Variants in SEPTIN11 observed in about 807,000 individuals in gnomAD.
SEPTIN11 encodes the protein septin-11.
A neutral mutation model predicts 51.4 loss-of-function variants in SEPTIN11; 25 were observed. That is an observed-to-expected ratio of 0.49 (90% CI 0.35 to 0.68). SEPTIN11 has a LOEUF of 0.68. Ranked by LOEUF, SEPTIN11 falls within the 30% of genes least tolerant of loss-of-function variation. The pLI, the probability that SEPTIN11 is intolerant of heterozygous loss-of-function variation, is 0.00. For missense variants in SEPTIN11, 381 were observed against 520.8 expected, an observed-to-expected ratio of 0.73 and a Z score of 2.61; for synonymous variants, 174 against 184.1, an observed-to-expected ratio of 0.95 and a Z score of 0.44.
At chr4:76,959,217 G>T (rs1721706285) in intron 1 of SEPTIN11, 1 of 301,602 alleles carries the variant, frequency 3.3e-6, no homozygotes, top group Non-Finnish European at 6.6e-6. Flanking sequence ...GATGGAAACG[G>T]ATCCAAAGCA....
rs373899046 is a variant in SEPTIN11, at chr4:77,005,679, A to G, written c.221A>G (p.Asn74Ser). The change falls in exon 3 of 10, where the codon AAT becomes AGT. Residue 74 changes from asparagine to serine, a missense_variant. Coordinates refer to ENST00000264893, the MANE Select transcript of SEPTIN11 (RefSeq NM_018243.4). ...TKFESDPATH[N>S]EPGVRLKARS... is the part of the protein sequence containing the mutation. ...TTTGAAAGTGACCCAGCTACTCACA[A>G]TGAACCAGGTGTTCGGTTAAAAGCC... 11 of 1,614,120 alleles carry G rather than the reference A, an allele frequency of 6.8e-6. 1 individual carries two copies. The highest frequency in any genetic ancestry group is 1.7e-4 in the Middle Eastern group (1 of 6,060).
rs562253662 is a variant in SEPTIN11 at position 76,979,002 on chromosome 4, A to G, written c.28-17423A>G. On this transcript the variant is annotated intron_variant, in intron 1 of 9. Transcript: ENST00000264893. ...CCTCCCATGAATTCTCTATCACTGC[A>G]CTGCTGCTCCATGGCTGTTGTTTTT... 4.9e-4 allele frequency among the ~76,000 whole-genome samples: 74 copies of G among 152,292 alleles called. 1 individual carries two copies. The highest frequency in any genetic ancestry group is 1.9e-4 in the East Asian group (1 of 5,174).
chr4:77,023,367 A>G (rs1453207564), intron 7 of SEPTIN11, among the ~76,000 whole-genome samples: 1 of 147,658 alleles, frequency 6.8e-6, no homozygotes, highest in Non-Finnish European at 1.5e-5. Context: ...ATAATTATAT[A>G]ATAATATATA....
At chr4:76,958,593 A>G (rs1449686593) in intron 1 of SEPTIN11, among the ~76,000 whole-genome samples, 12 of 152,176 alleles carry the variant, frequency 7.9e-5, no homozygotes, top group African/African-American at 2.9e-4. Flanking sequence ...CCTTATACAA[A>G]TAAGGGAGTA....
chr4:77,011,000 TTGAA>T (rs1387693305), intron 3 of SEPTIN11, among the ~76,000 whole-genome samples: 2 of 152,204 alleles, frequency 1.3e-5, no homozygotes, highest in Non-Finnish European at 2.9e-5. Context: ...CAAAACAGAT[TTGAA>T]TGATTTGGTG....
At chr4:76,968,025 A>G (rs1002773014) in intron 1 of SEPTIN11, among the ~76,000 whole-genome samples, 3 of 152,286 alleles carry the variant, frequency 2.0e-5, no homozygotes, top group Admixed American at 2.0e-4. Context: ...GAGGAATTCT[A>G]GAGTGTGTGG....
In SEPTIN11 at chr4:77,037,538, C is replaced by T. The variant is rs1219788149; in HGVS notation, c.*3026C>T. On this transcript the variant is annotated 3_prime_UTR_variant, in exon 10 of 10. Transcript: ENST00000264893. ...TTATGCTAGGATGCCTTTATGACCA[C>T]TTAATTTTTTAATCTTAGTTTAATG... 6.1e-6 allele frequency: 6 copies of T among 985,194 alleles called. No individual in the cohort carries two copies. Among genetic ancestry groups the T allele is most frequent in the Non-Finnish European group, 7.2e-6 (6 of 829,894 alleles). The allele number at this position is 985,194 out of a possible 1,614,324, so 61.0% of individuals were successfully genotyped here.
intron 1 of SEPTIN11, among the ~76,000 whole-genome samples, chr4:76,956,493 C>T (rs1721562912): frequency 1.3e-5 from 2 of 152,198 alleles, no homozygotes; most frequent in African/African-American, 4.8e-5. Context: ...GCTTACATAG[C>T]AAGGGTTTAT....
At chr4:76,978,425 T>C (rs1338596346) in intron 1 of SEPTIN11, among the ~76,000 whole-genome samples, 1 of 152,186 alleles carries the variant, frequency 6.6e-6, no homozygotes, top group African/African-American at 2.4e-5. Context: ...CGCATGTCCC[T>C]TGATGGCCAA....
chr4:76,953,343 A>C (rs948981917), intron 1 of SEPTIN11, among the ~76,000 whole-genome samples: 1 of 152,208 alleles, frequency 6.6e-6, no homozygotes, highest in Non-Finnish European at 1.5e-5. Context: ...AAATGTGTAA[A>C]TCATTTAGGG....
intron 1 of SEPTIN11, among the ~76,000 whole-genome samples, chr4:76,956,336 G>T (rs548441629): frequency 1.1e-4 from 16 of 152,340 alleles, no homozygotes; most frequent in African/African-American, 3.8e-4. Context: ...GGAAGAAGTT[G>T]TCAGTTAATC....
intron 1 of SEPTIN11, among the ~76,000 whole-genome samples, chr4:76,950,622 C>A (rs1721290757): frequency 6.6e-6 from 1 of 151,776 alleles, no homozygotes. Context: ...GAAGGGCGGG[C>A]GGGTGCGTGA....
Position 77,020,605 on chromosome 4 carries a change from G to C in SEPTIN11, c.888G>C (p.Leu296Phe). ...AGACTCACACCCGCCACTATGAATT[G>C]TACCGACGCTGTAAGCTTGAAGAGA... The part of the protein sequence containing the change: ...REQTHTRHYE[L>F]YRRCKLEEMG... The change falls in exon 7 of 10, where the codon TTG (leucine) becomes TTC (phenylalanine). Residue 296 changes from leucine to phenylalanine, a missense_variant. This residue lies in a region of SEPTIN11 where 197 missense variants were observed against 313.1 expected (regional missense o/e 0.63). Transcript: ENST00000264893. 6.2e-7 allele frequency: 1 copy of C among 1,614,132 alleles called. No homozygotes were observed. The highest frequency in any genetic ancestry group is 8.5e-7 in the Non-Finnish European group (1 of 1,180,018).
intron 5 of SEPTIN11, among the ~76,000 whole-genome samples, chr4:77,017,283 T>C (rs1023632449): frequency 3.9e-5 from 6 of 152,234 alleles, no homozygotes; most frequent in Non-Finnish European, 8.8e-5. Context: ...TTAATAGAAC[T>C]GAATCTCTGA....
intron 2 of SEPTIN11, among the ~76,000 whole-genome samples, chr4:76,997,762 A>T (rs1399558945): frequency 2.0e-5 from 3 of 152,182 alleles, no homozygotes; most frequent in Admixed American, 6.5e-5. Context: ...CTCATGATAA[A>T]TGCTCATTGC....
chr4:76,986,015 G>A (rs1723009230), intron 1 of SEPTIN11, among the ~76,000 whole-genome samples: 1 of 152,088 alleles, frequency 6.6e-6, no homozygotes, highest in Non-Finnish European at 1.5e-5. Context: ...GAGTGTGGTG[G>A]GTGACCAGCA....
intron 1 of SEPTIN11, among the ~76,000 whole-genome samples, chr4:76,968,425 C>T (rs1480969154): frequency 6.6e-6 from 1 of 152,248 alleles, no homozygotes; most frequent in East Asian, 1.9e-4. Context: ...CAGCATCCTC[C>T]CTTCTTTTCG....
intron 5 of SEPTIN11, among the ~76,000 whole-genome samples, chr4:77,017,480 T>C (rs1725384184): frequency 6.6e-6 from 1 of 152,224 alleles, no homozygotes; most frequent in Non-Finnish European, 1.5e-5. Flanking sequence ...AAGGTCCTGT[T>C]GCTCCTCAAC....
chr4:77,002,765 G>A (rs760113029), intron 2 of SEPTIN11, among the ~76,000 whole-genome samples: 3 of 148,994 alleles, frequency 2.0e-5, no homozygotes, highest in Non-Finnish European at 3.0e-5. Flanking sequence ...TTTTATGGAG[G>A]GTTTTTTTTT....
Sources: gnomAD v4.1 joint callset for allele counts (sites outside exome capture counted in the v4.1 genomes callset) on GRCh38, gnomAD v4.1.1 for gene constraint, gnomAD v4.1.1 regional missense constraint, MANE v1.5 for transcripts, NCBI Gene and HGNC (gene_info 2026-07-23, HGNC 2026-07-21) for gene names.